AP3S1: variants seen among roughly 807,000 people sequenced by gnomAD.
AP3S1 encodes AP-3 complex subunit sigma-1.
A neutral mutation model predicts 21.3 loss-of-function variants in AP3S1; 12 were observed. That is an observed-to-expected ratio of 0.56 (90% CI 0.36 to 0.91). The LOEUF (loss-of-function observed/expected upper bound fraction) is 0.91, where lower values mean the gene tolerates loss of function less well. Ranked by LOEUF, AP3S1 falls within the 40% of genes least tolerant of loss-of-function variation. AP3S1 has a pLI of 0.01. For synonymous variants in AP3S1, 48 were observed against 78.4 expected (o/e 0.61, Z 2.05); for missense variants, 116 against 225.0 (o/e 0.52, Z 3.10).
At position 115,873,983 on chromosome 5, in the gene AP3S1, G is replaced by A. The variant is rs1001430653; in HGVS notation, c.273+3855G>A. On this transcript the variant is annotated intron_variant, in intron 3 of 5. Coordinates refer to ENST00000316788, the MANE Select transcript of AP3S1 (RefSeq NM_001284.4). ...AATGCAGAGAGTTAGTGTCTCTAAG[G>A]TATGCATATGTTGTCCCAAATATGA... 3.9e-5 allele frequency among the ~76,000 whole-genome samples: 6 copies of A among 151,984 alleles called. 1 individual carries two copies. Among genetic ancestry groups the A allele is most frequent in the South Asian group, 4.1e-4 (2 of 4,822 alleles).
chr5:115,860,180 A>T (rs1763072160), intron 1 of AP3S1, among the ~76,000 whole-genome samples: 1 of 152,154 alleles, frequency 6.6e-6, no homozygotes, highest in Admixed American at 6.6e-5. Flanking sequence ...TATATCTGTG[A>T]TTCTTTTTCT....
At chr5:115,874,645 T>C (rs1561496004) in intron 3 of AP3S1, among the ~76,000 whole-genome samples, 1 of 152,180 alleles carries the variant, frequency 6.6e-6, no homozygotes. Flanking sequence ...TGGAGCTCCA[T>C]ATATAATATT....
At chr5:115,869,439 T>G (rs1748023878) in intron 2 of AP3S1, among the ~76,000 whole-genome samples, 1 of 152,216 alleles carries the variant, frequency 6.6e-6, no homozygotes, top group Non-Finnish European at 1.5e-5. Context: ...TCCGCCTACT[T>G]CTCTGACTTT....
At chr5:115,899,832 A>T (rs1751059136) in intron 4 of AP3S1, among the ~76,000 whole-genome samples, 1 of 152,154 alleles carries the variant, frequency 6.6e-6, no homozygotes, top group Non-Finnish European at 1.5e-5. Flanking sequence ...TACTTGGAGG[A>T]TCTTATCCAA....
intron 5 of AP3S1, among the ~76,000 whole-genome samples, chr5:115,906,183 T>C (rs942261056): frequency 2.0e-5 from 3 of 152,120 alleles, no homozygotes; most frequent in Non-Finnish European, 4.4e-5. Flanking sequence ...AAAAAAGACT[T>C]GTTTAAAATC....
chr5:115,846,591 A>G (rs1762084442), intron 1 of AP3S1, among the ~76,000 whole-genome samples: 1 of 151,192 alleles, frequency 6.6e-6, no homozygotes, highest in South Asian at 2.1e-4. Flanking sequence ...ACATAAAAAT[A>G]CAAAGTGTTG....
In AP3S1 at chr5:115,913,702, G is replaced by A. The variant is rs996965579; in HGVS notation, c.*212G>A. 9 of 907,512 alleles carry A rather than the reference G, an allele frequency of 9.9e-6. No individual in the cohort carries two copies. Among genetic ancestry groups the A allele is most frequent in the African/African-American group, 1.7e-5 (1 of 58,610 alleles). The allele number at this position is 907,512 out of a possible 1,614,324, so 56.2% of individuals were successfully genotyped here. On this transcript the variant is annotated 3_prime_UTR_variant, in exon 6 of 6. Transcript: ENST00000316788. Reference sequence around the variant, plus strand: ...TTTAAAGAAATTGAGTAGTTCCTATGTGATTTTTTTTTTTCTTTTCTAAAC... The same window carrying A: ...TTTAAAGAAATTGAGTAGTTCCTATATGATTTTTTTTTTTCTTTTCTAAAC...
chr5:115,908,313 T>C (rs1230972281), intron 5 of AP3S1, among the ~76,000 whole-genome samples: 1 of 152,184 alleles, frequency 6.6e-6, no homozygotes, highest in African/African-American at 2.4e-5. Flanking sequence ...ATTAATCACT[T>C]GGGTCTGTTA....
intron 5 of AP3S1, chr5:115,903,547 TAGTTA>T (rs1561525999): frequency 6.5e-6 from 1 of 152,938 alleles, no homozygotes; most frequent in East Asian, 1.9e-4. Context: ...ACTGACAAGT[TAGTTA>T]AGTCACATAT....
At chr5:115,907,136 T>G in intron 5 of AP3S1, 1 of 348,942 alleles carries the variant, frequency 2.9e-6, no homozygotes, top group Non-Finnish European at 4.0e-6. Flanking sequence ...ACACTTGTCA[T>G]CTAACTGACA....
At chr5:115,911,281 T>A (rs1752085479) in intron 5 of AP3S1, among the ~76,000 whole-genome samples, 1 of 151,984 alleles carries the variant, frequency 6.6e-6, no homozygotes, top group Non-Finnish European at 1.5e-5. Flanking sequence ...CTGAAAACAT[T>A]ATGTTTACTA....
chr5:115,858,371 A>G (rs1001667881), intron 1 of AP3S1, among the ~76,000 whole-genome samples: 3 of 152,156 alleles, frequency 2.0e-5, no homozygotes, highest in African/African-American at 7.2e-5. Flanking sequence ...CAGTGTTGCT[A>G]TTTAAAAGTC....
At chr5:115,877,498 A>G (rs1215498208) in intron 3 of AP3S1, among the ~76,000 whole-genome samples, 1 of 152,206 alleles carries the variant, frequency 6.6e-6, no homozygotes, top group Admixed American at 6.5e-5. Context: ...GATGGTTTCC[A>G]GCTTCATCCA....
At chr5:115,853,800 G>T (rs1003245925) in intron 1 of AP3S1, among the ~76,000 whole-genome samples, 2 of 152,084 alleles carry the variant, frequency 1.3e-5, no homozygotes, top group Admixed American at 1.3e-4. Flanking sequence ...AGACCTTCCA[G>T]CTACCACCAT....
chr5:115,850,954 T>G (rs1762398320), intron 1 of AP3S1, among the ~76,000 whole-genome samples: 1 of 152,200 alleles, frequency 6.6e-6, no homozygotes, highest in African/African-American at 2.4e-5. Flanking sequence ...TTCTCACTAG[T>G]TTATAGAAAT....
chr5:115,909,088 T>TG (rs1217326243), intron 5 of AP3S1: 31 of 581,010 alleles, frequency 5.3e-5, no homozygotes, highest in Non-Finnish European at 6.5e-5. Flanking sequence ...TATTCAAACT[T>TG]GAAAAAAAAA....
At chr5:115,890,326 A>G (rs1750182035) in intron 3 of AP3S1, among the ~76,000 whole-genome samples, 4 of 152,238 alleles carry the variant, frequency 2.6e-5, no homozygotes, top group Non-Finnish European at 1.5e-5. Context: ...ACTAAGAATG[A>G]TTAGCTGTTG....
intron 3 of AP3S1, among the ~76,000 whole-genome samples, chr5:115,871,649 C>G (rs1748260889): frequency 6.6e-6 from 1 of 151,998 alleles, no homozygotes; most frequent in Non-Finnish European, 1.5e-5. Context: ...ACACTGAACT[C>G]CTTGCCCACA....
chr5:115,902,056 C>G (rs940094700), intron 4 of AP3S1, among the ~76,000 whole-genome samples: 2 of 152,142 alleles, frequency 1.3e-5, no homozygotes, highest in African/African-American at 4.8e-5. Flanking sequence ...AATAAGGTAA[C>G]AGACTCAGAG....
Sources: gnomAD v4.1 joint callset for allele counts (sites outside exome capture counted in the v4.1 genomes callset) on GRCh38, gnomAD v4.1.1 for gene constraint, MANE v1.5 for transcripts, NCBI Gene and HGNC (gene_info 2026-07-23, HGNC 2026-07-21) for gene names.